Variants in FANCA observed in about 807,000 individuals in gnomAD.
The protein encoded by FANCA is Fanconi anemia group A protein.
Under a neutral mutation model 194.3 loss-of-function variants are expected in FANCA, and 236 were observed. The ratio of observed to expected loss-of-function variants is 1.21; its 90% CI spans 1.09 to 1.35. FANCA has a LOEUF of 1.35. Among genes scored for constraint, FANCA ranks in the 40% most tolerant of loss-of-function variants. FANCA has a pLI of 0.00. For missense variants in FANCA, 2,628 were observed against 1,813.9 expected, an observed-to-expected ratio of 1.45 and a Z score of -8.15; for synonymous variants, 1,014 against 715.8, an observed-to-expected ratio of 1.42 and a Z score of -6.65.
chr16:89,809,096 C>T (rs772640192), intron 5 of FANCA, among the ~76,000 whole-genome samples: 2 of 151,872 alleles, frequency 1.3e-5, no homozygotes, highest in African/African-American at 4.8e-5. Context: ...TTAGTAGAGA[C>T]GGGGTTTCAC....
chr16:89,738,028 A>G lies in FANCA; in HGVS notation c.*573T>C, dbSNP rs775785148. ...GCAGCGGGCATCCCTCAAGTACCACATGACCAAACACAAGGCTGAGACTGA... is the reference window on the plus strand; with the variant it reads ...GCAGCGGGCATCCCTCAAGTACCACGTGACCAAACACAAGGCTGAGACTGA... On this transcript the variant is annotated 3_prime_UTR_variant, in exon 43 of 43. Coordinates refer to ENST00000389301, the MANE Select transcript of FANCA (RefSeq NM_000135.4). The G allele has an allele frequency of 1.2e-6, 2 of 1,614,164 alleles. No individual in the cohort carries two copies. Among genetic ancestry groups the G allele is most frequent in the East Asian group, 2.2e-5 (1 of 44,878 alleles).
At chr16:89,797,074 G>T (rs760602651) in intron 10 of FANCA, among the ~76,000 whole-genome samples, 15 of 152,074 alleles carry the variant, frequency 9.9e-5, no homozygotes, top group Non-Finnish European at 1.6e-4. Context: ...GCAGGAGAAT[G>T]GTGTGAACCC....
chr16:89,754,840 C>CCA (rs2038716155), intron 30 of FANCA, among the ~76,000 whole-genome samples: 1 of 152,166 alleles, frequency 6.6e-6, no homozygotes, highest in Non-Finnish European at 1.5e-5. Flanking sequence ...CAATACTGCC[C>CCA]CACATGCAGT....
At chr16:89,757,519 A>C (rs1452666023) in intron 30 of FANCA, among the ~76,000 whole-genome samples, 1 of 152,212 alleles carries the variant, frequency 6.6e-6, no homozygotes, top group Non-Finnish European at 1.5e-5. Context: ...GATTCTGTTG[A>C]TATTAAACAT....
chr16:89,771,618 G>A, intron 23 of FANCA, 60 bp downstream of exon 23: 3 of 1,588,392 alleles, frequency 1.9e-6, no homozygotes, highest in East Asian at 2.2e-5. Context: ...TGCGTCTAAT[G>A]CCTCTGCCTA....
intron 32 of FANCA, 144 bp from the exon 33 acceptor site, chr16:89,748,911 C>T: frequency 1.4e-6 from 1 of 724,348 alleles, no homozygotes; most frequent in Non-Finnish European, 2.5e-6. Context: ...GTCCCTCTGT[C>T]CCATCCAAAG....
intron 7 of FANCA, among the ~76,000 whole-genome samples, chr16:89,804,547 C>T (rs1004555318): frequency 2.0e-5 from 3 of 152,154 alleles, no homozygotes; most frequent in Non-Finnish European, 4.4e-5. Context: ...ACTCCTCAAG[C>T]TGGACTCTGG....
At chr16:89,773,207 G>A (rs1222610453) in intron 22 of FANCA, 64 bp downstream of exon 22, 10 of 1,304,870 alleles carry the variant, frequency 7.7e-6, no homozygotes, top group Non-Finnish European at 1.1e-5. Flanking sequence ...AAATGGCCCA[G>A]CCACAGAGCT....
At position 89,769,894 on chromosome 16, in the gene FANCA, G is replaced by A. The variant is rs756082739; in HGVS notation, c.2447C>T (p.Ala816Val). The A allele has an allele frequency of 2.5e-5, 41 of 1,613,968 alleles. No individual in the cohort carries two copies. Among genetic ancestry groups the A allele is most frequent in the East Asian group, 1.3e-4 (6 of 44,886 alleles). ...ACAGGTCAGGAGGCTGTCAAAGAGCGCAGGGACAGGAAGGCCAGCACCAGG... is the reference window on the plus strand; with the variant it reads ...ACAGGTCAGGAGGCTGTCAAAGAGCACAGGGACAGGAAGGCCAGCACCAGG... ...PAPGAGLPVP[A>V]LFDSLLTCRT... The change falls in exon 26 of 43, where the codon GCG becomes GTG. Residue 816 changes from alanine (A) to valine (V), a missense_variant. By Grantham distance (64) the Ala-to-Val change is moderately conservative. Coordinates refer to ENST00000389301, the MANE Select transcript of FANCA (RefSeq NM_000135.4).
chr16:89,754,949 AAAG>A (rs1388182132), intron 30 of FANCA, among the ~76,000 whole-genome samples: 5 of 152,200 alleles, frequency 3.3e-5, no homozygotes, highest in Admixed American at 6.6e-5. Context: ...CCATCCTGAA[AAAG>A]AAGAACCAAG....
At chr16:89,815,744 G>A in intron 2 of FANCA, 133 bp downstream of exon 2, 5 of 768,120 alleles carry the variant, frequency 6.5e-6, no homozygotes, top group Non-Finnish European at 7.0e-6. Context: ...CCGGGCTCAG[G>A]CGACCCTCCC....
At chr16:89,784,061 A>G (rs563592387) in intron 15 of FANCA, among the ~76,000 whole-genome samples, 10 of 152,142 alleles carry the variant, frequency 6.6e-5, no homozygotes, top group African/African-American at 2.4e-4. Context: ...CGCCCGGCCA[A>G]TTTTCTTAAA....
intron 1 of FANCA, chr16:89,816,258 G>A (rs562741866): frequency 4.5e-6 from 2 of 443,116 alleles, no homozygotes; most frequent in East Asian, 4.5e-5. Context: ...CCCAGGCCGC[G>A]CACCCCAGGC....
intron 10 of FANCA, chr16:89,798,624 A>G (rs1027079815): frequency 8.5e-7 from 1 of 1,173,516 alleles, no homozygotes; most frequent in African/African-American, 1.5e-5. Context: ...CCCAGCCCCC[A>G]CTCCTCAGCT....
Position 89,775,832 on chromosome 16 carries a change from C to A in FANCA, c.1827-17G>T, listed in dbSNP as rs2039481932. On this transcript the variant is annotated splice_polypyrimidine_tract_variant and intron_variant, in intron 20 of 42. Coordinates refer to ENST00000389301, the MANE Select transcript of FANCA (RefSeq NM_000135.4). ...TTATCTGCTCTGGATCACAGGAAAA[C>A]AATACAATTAAGTCAGCTATGGCTT... The A allele has an allele frequency of 6.3e-7, 1 of 1,584,956 alleles. No individual in the cohort carries two copies. Among genetic ancestry groups the A allele is most frequent in the African/African-American group, 1.3e-5 (1 of 74,272 alleles).
Position 89,783,070 on chromosome 16 carries a change from G to C in FANCA, c.1503C>G (p.Gly501=). ...VHILHPPLVP[G]KYRSLLTDYI... ...AGTCTGTGAGGAGGGAGCGGTACTT[G>C]CCGGGAACCAGGGGTGGGTGGAGAA... is the stretch of plus-strand genomic sequence containing the variant. The change falls in exon 16 of 43, where the codon GGC becomes GGG. Residue 501 remains glycine, a synonymous_variant. Transcript: ENST00000389301. The C allele has an allele frequency of 5.0e-6, 8 of 1,613,920 alleles. No individual in the cohort carries two copies. Among genetic ancestry groups the C allele is most frequent in the Non-Finnish European group, 6.8e-6 (8 of 1,179,874 alleles).
rs560163347 is a variant in FANCA at position 89,801,269 on chromosome 16, C to T, written c.793-1631G>A. Among the ~76,000 whole-genome samples, 8 of 138,726 alleles carry T rather than the reference C, an allele frequency of 5.8e-5. No homozygotes were observed. In the East Asian group the frequency reaches 6.8e-4, roughly 12 times the overall value. 91.0% of individuals were successfully genotyped at this position (138,726 alleles called of 152,430 possible). ...TGAGGCAGGAGAATGGCGTGAACCC[C>T]GGAGGCGGAGCTTGCAGTGAGCCGA... is the stretch of plus-strand genomic sequence containing the variant. On this transcript the variant is annotated intron_variant, in intron 8 of 42. Transcript: ENST00000389301.
rs768531213 is a variant in FANCA, at chr16:89,796,056, G to T, written c.894-38C>A. ...CAGAAAGAGGGGTCAGGAAAGGGAG[G>T]GTGCCTTGCACGCCACCCACCAATC... is the stretch of plus-strand genomic sequence containing the variant. On this transcript the variant is annotated intron_variant, in intron 10 of 42. Coordinates refer to ENST00000389301, the MANE Select transcript of FANCA (RefSeq NM_000135.4). 3 of 1,529,906 alleles carry T rather than the reference G, an allele frequency of 2.0e-6. No homozygotes were observed. The East Asian group carries it at 6.7e-5, about 34-fold the overall frequency. The allele number at this position is 1,529,906 out of a possible 1,614,324, so 94.8% of individuals were successfully genotyped here.
intron 2 of FANCA, among the ~76,000 whole-genome samples, chr16:89,815,094 A>G (rs1017097190): frequency 2.0e-5 from 3 of 151,778 alleles, no homozygotes; most frequent in African/African-American, 7.3e-5. Flanking sequence ...CTGGAGTGCA[A>G]TGGCGGGATC....
Sources: allele counts gnomAD v4.1 joint callset (sites outside exome capture counted in the v4.1 genomes callset), GRCh38; gene constraint gnomAD v4.1.1; transcripts MANE v1.5; gene names NCBI Gene and HGNC (gene_info 2026-07-23, HGNC 2026-07-21).